The following ASPRV1 variants were observed in gnomAD, a reference collection of about 807,000 sequenced individuals.
The protein encoded by ASPRV1 is aspartic peptidase retroviral like 1.
In ASPRV1, 7 loss-of-function variants were observed where a neutral mutation model predicts 11.0. The ratio of observed to expected loss-of-function variants is 0.64; its 90% CI spans 0.36 to 1.20. The LOEUF is 1.20. ASPRV1 is among the 50% of genes most tolerant of loss of function. The pLI, the probability that ASPRV1 is intolerant of heterozygous loss-of-function variation, is 0.02. For synonymous variants in ASPRV1, 136 were observed against 138.4 expected (o/e 0.98, Z 0.12); for missense variants, 299 against 320.0 (o/e 0.93, Z 0.50).
the ASPRV1 span, chr2:70,053,621 T>C: frequency 1.3e-5 from 2 of 152,216 alleles, no homozygotes; most frequent in African/African-American, 2.4e-5. Flanking sequence ...TTCAGGCTTG[T>C]TGTTAAGCAG....
At chr2:70,022,503 T>C in the ASPRV1 span, among the ~76,000 whole-genome samples, 3 of 151,332 alleles carry the variant, frequency 2.0e-5, no homozygotes, top group Admixed American at 6.6e-5. Flanking sequence ...CTGGGCAACA[T>C]AGTGAGACCT....
the ASPRV1 span, among the ~76,000 whole-genome samples, chr2:70,044,988 G>A: frequency 6.6e-6 from 1 of 152,180 alleles, no homozygotes; most frequent in Non-Finnish European, 1.5e-5. Flanking sequence ...CTGTGATGAA[G>A]AACAAAGGCT....
chr2:70,042,720 G>C, the ASPRV1 span, among the ~76,000 whole-genome samples: 65 of 152,178 alleles, frequency 4.3e-4, no homozygotes, highest in East Asian at 8.3e-3. Context: ...TGAGGGGAGA[G>C]GAAACGGTGT....
chr2:70,066,100 T>C, the ASPRV1 span, among the ~76,000 whole-genome samples: 1 of 151,756 alleles, frequency 6.6e-6, no homozygotes, highest in Non-Finnish European at 1.5e-5. Context: ...TCCCAGCACT[T>C]TGGGAGGCTG....
the ASPRV1 span, among the ~76,000 whole-genome samples, chr2:70,062,193 T>A: frequency 6.6e-6 from 1 of 150,512 alleles, no homozygotes; most frequent in Non-Finnish European, 1.5e-5. Context: ...TAATCCCAGC[T>A]ACTTGGGAGG....
the ASPRV1 span, among the ~76,000 whole-genome samples, chr2:70,021,259 T>C: frequency 5.9e-3 from 900 of 152,242 alleles, 7 homozygotes; most frequent in African/African-American, 0.021. Flanking sequence ...TTGTATAGTA[T>C]TCCATGGTGT....
chr2:69,948,090 A>AAAAG, the ASPRV1 span, among the ~76,000 whole-genome samples: 1 of 151,972 alleles, frequency 6.6e-6, no homozygotes, highest in Non-Finnish European at 1.5e-5. Context: ...TCTCAAAAAA[A>AAAAG]AAAAAAAATT....
the ASPRV1 span, among the ~76,000 whole-genome samples, chr2:69,985,812 A>G: frequency 6.6e-6 from 1 of 152,162 alleles, no homozygotes; most frequent in Non-Finnish European, 1.5e-5. Context: ...AAGAGCTCAG[A>G]CAGACATGGA....
At chr2:70,023,220 G>A in the ASPRV1 span, among the ~76,000 whole-genome samples, 14 of 152,280 alleles carry the variant, frequency 9.2e-5, no homozygotes, top group South Asian at 1.0e-3. Flanking sequence ...AGATGGGGGC[G>A]AGGGCCTGAG....
At chr2:69,937,059 G>A in the ASPRV1 span, 4 of 829,452 alleles carry the variant, frequency 4.8e-6, no homozygotes, top group African/African-American at 1.7e-5. Context: ...AGAGTCAGAC[G>A]AAGCCAGGAG....
the ASPRV1 span, chr2:70,051,286 GTT>G: frequency 6.6e-6 from 1 of 152,152 alleles, no homozygotes; most frequent in Admixed American, 6.6e-5. Flanking sequence ...TAACCACTGT[GTT>G]ACAAGACCAC....
the ASPRV1 span, among the ~76,000 whole-genome samples, chr2:69,948,108 G>T: frequency 0.22 from 33,267 of 151,096 alleles, 4,447 homozygotes; most frequent in Admixed American, 0.42. Context: ...ATTAGCCGAG[G>T]TAGTGGCCTG....
At chr2:70,067,684 A>T in the ASPRV1 span, among the ~76,000 whole-genome samples, 2 of 152,184 alleles carry the variant, frequency 1.3e-5, no homozygotes, top group Non-Finnish European at 2.9e-5. Flanking sequence ...TAAAACAAAA[A>T]ATAATACTTT....
At chr2:70,072,613 T>C in the ASPRV1 span, among the ~76,000 whole-genome samples, 1 of 151,854 alleles carries the variant, frequency 6.6e-6, no homozygotes, top group Non-Finnish European at 1.5e-5. Context: ...TCCCAGCTAC[T>C]GGGGAGGCTG....
the ASPRV1 span, among the ~76,000 whole-genome samples, chr2:69,971,823 A>C: frequency 6.6e-6 from 1 of 152,166 alleles, no homozygotes. Context: ...GCCTCTGCGC[A>C]GTCTTTGGCC....
At chr2:70,063,606 C>A in the ASPRV1 span, among the ~76,000 whole-genome samples, 1 of 152,204 alleles carries the variant, frequency 6.6e-6, no homozygotes, top group East Asian at 1.9e-4. Context: ...GGAGTTGAAC[C>A]TGACATATTT....
the ASPRV1 span, among the ~76,000 whole-genome samples, chr2:69,981,891 G>A: frequency 1.3e-5 from 2 of 152,162 alleles, no homozygotes; most frequent in South Asian, 4.1e-4. Context: ...GCACAGGTTG[G>A]TAGAGCCCAG....
the ASPRV1 span, chr2:70,059,715 C>A: frequency 6.2e-6 from 1 of 160,260 alleles, no homozygotes; most frequent in East Asian, 1.8e-4. Context: ...AGTGACAGAT[C>A]ATCAGGCATT....
At chr2:69,953,040 C>T in the ASPRV1 span, among the ~76,000 whole-genome samples, 1 of 152,220 alleles carries the variant, frequency 6.6e-6, no homozygotes, top group Non-Finnish European at 1.5e-5. Flanking sequence ...CGGGGTGAGA[C>T]ATGAAAACAT....
Sources: gnomAD v4.1 joint callset for allele counts (sites outside exome capture counted in the v4.1 genomes callset) on GRCh38, gnomAD v4.1.1 for gene constraint, MANE v1.5 for transcripts, NCBI Gene and HGNC (gene_info 2026-07-23, HGNC 2026-07-21) for gene names.